Variants in SLC15A1 observed in about 807,000 individuals in gnomAD.
SLC15A1 encodes the protein solute carrier family 15 member 1, also known as Caco-2 oligopeptide transporter.
SLC15A1 carries 83 observed loss-of-function variants against 92.9 expected under a neutral mutation model. That is an observed-to-expected ratio of 0.89 (90% CI 0.75 to 1.07). The LOEUF (loss-of-function observed/expected upper bound fraction) is 1.07. SLC15A1 is among the 50% of genes least tolerant of loss of function. The pLI is 0.00. For missense variants in SLC15A1, 857 were observed against 880.1 expected (o/e 0.97, Z 0.33); for synonymous variants, 322 against 318.2 (o/e 1.01, Z -0.13).
rs201035812 is a variant in SLC15A1 at position 98,712,522 on chromosome 13, C to G, written c.786G>C (p.Leu262=). The G allele has an allele frequency of 1.2e-6, 2 of 1,612,050 alleles. No individual in the cohort carries two copies. The highest frequency in any genetic ancestry group is 3.3e-5 in the Admixed American group (2 of 59,738). ...SKAFPKREHW[L]DWAKEKYDER... The stretch of plus-strand genomic sequence containing the variant: ...CATCGTATTTCTCTTTAGCCCAGTC[C>G]AGCCAGTGCTCCCTCTTGGGAAATG... The change falls in exon 10 of 23, where the codon CTG becomes CTC. Residue 262 remains leucine (L), a synonymous_variant. Coordinates refer to ENST00000376503, the MANE Select transcript of SLC15A1 (RefSeq NM_005073.4).
chr13:98,729,244 T>C (rs2088328789), intron 1 of SLC15A1, among the ~76,000 whole-genome samples: 1 of 152,100 alleles, frequency 6.6e-6, no homozygotes, highest in African/African-American at 2.4e-5. Context: ...CATAAATATA[T>C]ATAATTATTA....
intron 6 of SLC15A1, 64 bp downstream of exon 6, chr13:98,721,740 G>A (rs1470139460): frequency 3.7e-5 from 54 of 1,476,276 alleles, no homozygotes; most frequent in Middle Eastern, 1.7e-4. Context: ...CTTTGTGCCC[G>A]TGGCCTCTGA....
intron 5 of SLC15A1, 84 bp downstream of exon 5, chr13:98,723,828 G>T: frequency 1.3e-6 from 2 of 1,583,502 alleles, no homozygotes; most frequent in Non-Finnish European, 1.7e-6. Context: ...TCTCAGTGAA[G>T]TTCAAGGAAA....
intron 1 of SLC15A1, among the ~76,000 whole-genome samples, chr13:98,735,665 GC>G (rs1013828148): frequency 1.3e-4 from 20 of 152,124 alleles, no homozygotes; most frequent in African/African-American, 4.8e-4. Context: ...AAATCAATGT[GC>G]AAAAATCACA....
At chr13:98,751,320 A>T (rs1411692168) in intron 1 of SLC15A1, among the ~76,000 whole-genome samples, 1 of 152,242 alleles carries the variant, frequency 6.6e-6, no homozygotes, top group Non-Finnish European at 1.5e-5. Flanking sequence ...TTCCTTCACC[A>T]ATAACCAGGC....
At chr13:98,704,711 A>G (rs2088097917) in intron 16 of SLC15A1, among the ~76,000 whole-genome samples, 2 of 152,212 alleles carry the variant, frequency 1.3e-5, no homozygotes. Context: ...TACTATGAGA[A>G]TAATTTCTAC....
At chr13:98,727,281 C>T (rs906822282) in intron 1 of SLC15A1, among the ~76,000 whole-genome samples, 2 of 152,200 alleles carry the variant, frequency 1.3e-5, no homozygotes, top group African/African-American at 4.8e-5. Flanking sequence ...ACTCAACCGC[C>T]ACCTCCTATG....
intron 4 of SLC15A1, among the ~76,000 whole-genome samples, chr13:98,725,375 T>C (rs2088290262): frequency 6.6e-6 from 1 of 152,186 alleles, no homozygotes; most frequent in African/African-American, 2.4e-5. Context: ...AACATCCCAC[T>C]GGGTGTGCTC....
At chr13:98,730,297 G>A (rs1305031084) in intron 1 of SLC15A1, among the ~76,000 whole-genome samples, 1 of 125,414 alleles carries the variant, frequency 8.0e-6, no homozygotes, top group African/African-American at 2.9e-5. Context: ...GAAGGGGAGG[G>A]GAAGGGGCAT....
chr13:98,751,140 C>T (rs1349102542), intron 1 of SLC15A1, among the ~76,000 whole-genome samples: 1 of 152,134 alleles, frequency 6.6e-6, no homozygotes, highest in Non-Finnish European at 1.5e-5. Context: ...CTAACTAACC[C>T]TTGATATTGA....
At chr13:98,717,759 T>C (rs4646221) in intron 8 of SLC15A1, among the ~76,000 whole-genome samples, 90,840 of 152,008 alleles carry the variant, frequency 0.6, 27,960 homozygotes, top group African/African-American at 0.64. Flanking sequence ...CTATTCCATG[T>C]ACTACTAAGA....
At chr13:98,694,586 G>C (rs1175215412) in intron 18 of SLC15A1, among the ~76,000 whole-genome samples, 1 of 152,164 alleles carries the variant, frequency 6.6e-6, no homozygotes, top group East Asian at 1.9e-4. Context: ...CTTCATACAT[G>C]TGGACAAAGA....
chr13:98,726,992 G>C, intron 1 of SLC15A1, 133 bp from the exon 2 acceptor site: 1 of 772,918 alleles, frequency 1.3e-6, no homozygotes, highest in Non-Finnish European at 2.2e-6. Flanking sequence ...CCCTCCCTGG[G>C]ATCCCGGCCC....
intron 4 of SLC15A1, among the ~76,000 whole-genome samples, chr13:98,724,786 A>G (rs913251010): frequency 2.6e-5 from 4 of 152,206 alleles, no homozygotes; most frequent in Non-Finnish European, 4.4e-5. Context: ...ATTTTTAAAC[A>G]GTAAGAATTA....
intron 18 of SLC15A1, among the ~76,000 whole-genome samples, chr13:98,690,939 A>T (rs1197575428): frequency 6.6e-6 from 1 of 152,080 alleles, no homozygotes; most frequent in Admixed American, 6.5e-5. Context: ...CTGCCACTTG[A>T]TGTCAATGGA....
intron 18 of SLC15A1, among the ~76,000 whole-genome samples, chr13:98,699,968 A>C (rs2139570847): frequency 6.6e-6 from 1 of 152,336 alleles, no homozygotes; most frequent in Admixed American, 6.5e-5. Context: ...TATAAAATTA[A>C]ATTTAAATTA....
chr13:98,718,533 C>A (rs1308862413), intron 8 of SLC15A1, among the ~76,000 whole-genome samples: 1 of 151,886 alleles, frequency 6.6e-6, no homozygotes, highest in African/African-American at 2.4e-5. Flanking sequence ...AACAAAAAAA[C>A]CAGCTAGGTG....
intron 1 of SLC15A1, among the ~76,000 whole-genome samples, chr13:98,744,479 G>A (rs886488881): frequency 3.3e-5 from 5 of 151,580 alleles, no homozygotes; most frequent in Admixed American, 6.6e-5. Context: ...AGCCGGGTGC[G>A]GTGGCTCACG....
At position 98,709,904 on chromosome 13, in the gene SLC15A1, C is replaced by T. The variant is rs138374185; in HGVS notation, c.908G>A (p.Arg303Lys). 385 of 1,614,182 alleles carry T rather than the reference C, an allele frequency of 2.4e-4. No homozygotes were observed. The highest frequency in any genetic ancestry group is 2.8e-4 in the Non-Finnish European group (333 of 1,180,010). The change falls in exon 12 of 23, where the codon AGG becomes AAG. Residue 303 changes from arginine (R) to lysine (K), a missense_variant. By Grantham distance (26) the Arg-to-Lys change is conservative. Transcript: ENST00000376503. ...CATAGTTGTTGCCTGCAGTGTCCAC[C>T]TGGAGCCCTTAAAAATGAATACATT... Reference protein sequence around the residue: ...FWALFDQQGSRWTLQATTMSG... With the variant: ...FWALFDQQGSKWTLQATTMSG...
Sources: gnomAD v4.1 joint callset for allele counts (sites outside exome capture counted in the v4.1 genomes callset) on GRCh38, gnomAD v4.1.1 for gene constraint, MANE v1.5 for transcripts, NCBI Gene and HGNC (gene_info 2026-07-23, HGNC 2026-07-21) for gene names.